Variants in CNBD1 observed in about 807,000 individuals in gnomAD.
The protein encoded by CNBD1 is cyclic nucleotide binding domain containing 1, also known as cyclic nucleotide-binding domain-containing protein 1.
A neutral mutation model predicts 54.4 loss-of-function variants in CNBD1; 71 were observed. The observed-to-expected ratio is 1.30, with a 90% CI of 1.08 to 1.59. The LOEUF is 1.59. CNBD1 is among the 40% of genes most tolerant of loss of function. The pLI is 0.00. For missense variants in CNBD1, 659 were observed against 518.0 expected, an observed-to-expected ratio of 1.27 and a Z score of -2.64; for synonymous variants, 182 against 170.7, an observed-to-expected ratio of 1.07 and a Z score of -0.51.
intron 10 of CNBD1, among the ~76,000 whole-genome samples, chr8:87,359,317 T>C (rs886274502): frequency 6.6e-6 from 1 of 151,412 alleles, no homozygotes; most frequent in African/African-American, 2.5e-5. Flanking sequence ...TTCCATAGTC[T>C]GTTCATTTGA....
chr8:87,164,931 T>C (rs1434261149), intron 4 of CNBD1, among the ~76,000 whole-genome samples: 1 of 151,892 alleles, frequency 6.6e-6, no homozygotes, highest in African/African-American at 2.4e-5. Flanking sequence ...ATTTTTTTTC[T>C]TAGAACTACT....
intron 3 of CNBD1, among the ~76,000 whole-genome samples, chr8:86,938,937 C>T (rs1809600244): frequency 6.6e-6 from 1 of 152,250 alleles, no homozygotes; most frequent in Admixed American, 6.5e-5. Flanking sequence ...GGTCTATTAT[C>T]AAGATGTAAT....
chr8:86,893,347 C>T (rs994000561), intron 2 of CNBD1, among the ~76,000 whole-genome samples: 2 of 152,074 alleles, frequency 1.3e-5, no homozygotes, highest in African/African-American at 4.8e-5. Context: ...TAGTTATTAC[C>T]ACGACTAGAA....
rs1808362137 is a variant in CNBD1 at position 86,866,462 on chromosome 8, C to T, written c.-34C>T. 1 of 1,530,616 alleles carries T rather than the reference C, an allele frequency of 6.5e-7. No homozygotes were observed. Among genetic ancestry groups the T allele is most frequent in the Non-Finnish European group, 9.0e-7 (1 of 1,112,636 alleles). The allele number at this position is 1,530,616 out of a possible 1,614,324, so 94.8% of individuals were successfully genotyped here. A position where few individuals can be genotyped will look rare whatever the true frequency, so the allele number is the denominator to read the frequency against. The stretch of plus-strand genomic sequence containing the variant: ...GAGTGATCATTTGCCTCTCAAGCAG[C>T]CTCTGGTCATCTATCTGCCTTTGAG... On this transcript the variant is annotated 5_prime_UTR_variant, in exon 1 of 11. Transcript: ENST00000518476.
intron 4 of CNBD1, among the ~76,000 whole-genome samples, chr8:87,191,143 GA>G (rs1813601703): frequency 1.3e-5 from 2 of 151,898 alleles, no homozygotes; most frequent in African/African-American, 4.8e-5. Context: ...TCAAAACCAG[GA>G]AAGCCAACAG....
At chr8:86,998,061 G>A (rs1808915007) in intron 4 of CNBD1, among the ~76,000 whole-genome samples, 2 of 152,068 alleles carry the variant, frequency 1.3e-5, no homozygotes, top group South Asian at 4.1e-4. Context: ...ATACTGGTTT[G>A]TTGCAGTTGA....
At chr8:86,970,162 A>G (rs1020263308) in intron 4 of CNBD1, among the ~76,000 whole-genome samples, 1 of 152,164 alleles carries the variant, frequency 6.6e-6, no homozygotes, top group Non-Finnish European at 1.5e-5. Flanking sequence ...TCCATTGAAA[A>G]TAATAAGACT....
intron 4 of CNBD1, among the ~76,000 whole-genome samples, chr8:87,162,331 C>A (rs1326188246): frequency 1.3e-5 from 2 of 152,006 alleles, no homozygotes; most frequent in African/African-American, 4.8e-5. Flanking sequence ...TTTATTAAAG[C>A]TTTGTGATGG....
chr8:87,276,069 C>A (rs1808474273), intron 6 of CNBD1, among the ~76,000 whole-genome samples: 1 of 151,760 alleles, frequency 6.6e-6, no homozygotes, highest in South Asian at 2.1e-4. Context: ...AAATATAACC[C>A]TCACAGTAGG....
intron 8 of CNBD1, among the ~76,000 whole-genome samples, chr8:87,325,786 G>C (rs1461479507): frequency 6.7e-6 from 1 of 149,036 alleles, no homozygotes; most frequent in Non-Finnish European, 1.5e-5. Context: ...TTTAATTGGA[G>C]CATTTAGTCC....
chr8:87,300,083 G>T (rs541329779), intron 8 of CNBD1, among the ~76,000 whole-genome samples: 9 of 152,032 alleles, frequency 5.9e-5, no homozygotes, highest in Non-Finnish European at 1.3e-4. Flanking sequence ...GTTAACATGT[G>T]GAGAACATAT....
intron 8 of CNBD1, among the ~76,000 whole-genome samples, chr8:87,308,451 A>G (rs1809200787): frequency 6.6e-6 from 1 of 151,716 alleles, no homozygotes; most frequent in South Asian, 2.1e-4. Context: ...GTGTGATTCT[A>G]TTTCTTCTTT....
intron 5 of CNBD1, among the ~76,000 whole-genome samples, chr8:87,231,629 A>T (rs114029011): frequency 0.056 from 8,522 of 152,184 alleles, 766 homozygotes; most frequent in African/African-American, 0.18. Flanking sequence ...TCTTGTGAAC[A>T]GATTTTTTTC....
intron 2 of CNBD1, among the ~76,000 whole-genome samples, chr8:87,406,169 A>G (rs1807648822): frequency 6.6e-6 from 1 of 152,104 alleles, no homozygotes; most frequent in Non-Finnish European, 1.5e-5. Flanking sequence ...AATGATCTGT[A>G]TCCAAATACA....
At chr8:87,358,364 C>T (rs1280778713) in intron 10 of CNBD1, among the ~76,000 whole-genome samples, 2 of 152,048 alleles carry the variant, frequency 1.3e-5, no homozygotes, top group Non-Finnish European at 2.9e-5. Context: ...ATACAACCTC[C>T]CTCAAGGTAA....
intron 8 of CNBD1, among the ~76,000 whole-genome samples, chr8:87,319,980 T>G (rs936006996): frequency 6.6e-6 from 1 of 152,072 alleles, no homozygotes; most frequent in African/African-American, 2.4e-5. Context: ...TAAAATGATC[T>G]GAATTTCAAA....
At chr8:87,414,977 A>G (rs1333902335) in intron 2 of CNBD1, among the ~76,000 whole-genome samples, 5 of 152,034 alleles carry the variant, frequency 3.3e-5, no homozygotes, top group South Asian at 2.1e-4. Context: ...GGGTGGCTGG[A>G]TGCTGCAGAT....
intron 2 of CNBD1, among the ~76,000 whole-genome samples, chr8:87,392,022 A>T (rs1278223290): frequency 6.6e-6 from 1 of 152,028 alleles, no homozygotes; most frequent in Non-Finnish European, 1.5e-5. Flanking sequence ...GCCTTTCTCT[A>T]AAGAAGAATG....
chr8:87,228,983 G>T (rs1376483489), intron 5 of CNBD1, among the ~76,000 whole-genome samples: 1 of 152,194 alleles, frequency 6.6e-6, no homozygotes, highest in Non-Finnish European at 1.5e-5. Context: ...GCGGTATTCG[G>T]GTGGGAGTGA....
Sources: allele counts gnomAD v4.1 joint callset (sites outside exome capture counted in the v4.1 genomes callset), GRCh38; gene constraint gnomAD v4.1.1; transcripts MANE v1.5; gene names NCBI Gene and HGNC (gene_info 2026-07-23, HGNC 2026-07-21).